TRPA1: variants seen among roughly 807,000 people sequenced by gnomAD.
The protein encoded by TRPA1 is transient receptor potential cation channel subfamily A member 1.
A neutral mutation model predicts 131.3 loss-of-function variants in TRPA1; 129 were observed. That is an observed-to-expected ratio of 0.98 (90% CI 0.85 to 1.14). The LOEUF (loss-of-function observed/expected upper bound fraction) is 1.14. Among genes scored for constraint, TRPA1 ranks in the 50% most tolerant of loss-of-function variants. The pLI, the probability that TRPA1 is intolerant of heterozygous loss-of-function variation, is 0.00. For synonymous variants in TRPA1, 441 were observed against 451.7 expected, an observed-to-expected ratio of 0.98 and a Z score of 0.30; for missense variants, 1,304 against 1,354.2, an observed-to-expected ratio of 0.96 and a Z score of 0.58.
chr8:72,071,307 A>G (rs1406582570), intron 2 of TRPA1, among the ~76,000 whole-genome samples: 2 of 152,194 alleles, frequency 1.3e-5, no homozygotes, highest in African/African-American at 4.8e-5. Flanking sequence ...AACAAGGTAG[A>G]GTGTACAAGG....
At chr8:72,066,633 G>A (rs890840991) in intron 3 of TRPA1, among the ~76,000 whole-genome samples, 3 of 152,088 alleles carry the variant, frequency 2.0e-5, no homozygotes, top group African/African-American at 4.8e-5. Context: ...AATGATTGAC[G>A]GATTAAGGGA....
At chr8:72,058,694 G>T (rs547915167) in intron 8 of TRPA1, among the ~76,000 whole-genome samples, 10 of 152,012 alleles carry the variant, frequency 6.6e-5, no homozygotes, top group Non-Finnish European at 1.2e-4. Flanking sequence ...ATAGTTTATG[G>T]CATATAATGA....
chr8:72,030,160 T>C (rs1423628762), intron 23 of TRPA1, among the ~76,000 whole-genome samples, 191 bp from the exon 24 acceptor site: 1 of 152,176 alleles, frequency 6.6e-6, no homozygotes, highest in East Asian at 1.9e-4. Context: ...GCAGAACTGG[T>C]TTCTGGTAAG....
upstream of TRPA1, among the ~76,000 whole-genome samples, chr8:72,080,066 A>G (rs1321571424): frequency 2.0e-5 from 3 of 151,874 alleles, no homozygotes; most frequent in Non-Finnish European, 3.0e-5. Context: ...ACTTTTTAGA[A>G]TCTTAAACAT....
At chr8:72,050,957 GGGAAA>G in intron 14 of TRPA1, 86 bp from the exon 15 acceptor site, 1 of 1,008,192 alleles carries the variant, frequency 9.9e-7, no homozygotes, top group Non-Finnish European at 1.5e-6. Flanking sequence ...ATTTCTTTAG[GGGAAA>G]CCTAAACTTA....
At chr8:72,077,609 T>C (rs1470751597), upstream of TRPA1, among the ~76,000 whole-genome samples, 3 of 152,208 alleles carry the variant, frequency 2.0e-5, no homozygotes, top group Non-Finnish European at 4.4e-5. Flanking sequence ...TTGTTCCTTT[T>C]AGGCATTTTT....
At chr8:72,069,308 G>A (rs914786648) in intron 2 of TRPA1, 110 bp from the exon 3 acceptor site, 91 of 1,102,224 alleles carry the variant, frequency 8.3e-5, no homozygotes, top group Non-Finnish European at 6.4e-5. Context: ...GAAATCAGCT[G>A]CATCTTTTTA....
chr8:72,040,371 C>T (rs1009156255), intron 17 of TRPA1, among the ~76,000 whole-genome samples: 1 of 152,060 alleles, frequency 6.6e-6, no homozygotes, highest in Non-Finnish European at 1.5e-5. Flanking sequence ...GAAAACAATA[C>T]ACAGAACATT....
intron 14 of TRPA1, among the ~76,000 whole-genome samples, chr8:72,052,286 C>T (rs1046784468): frequency 2.0e-5 from 3 of 152,172 alleles, no homozygotes; most frequent in Admixed American, 2.0e-4. Context: ...GCTGGGCATG[C>T]TGGCTCATGC....
intron 1 of TRPA1, among the ~76,000 whole-genome samples, chr8:72,074,481 C>A (rs1423911812): frequency 1.3e-5 from 2 of 152,166 alleles, no homozygotes; most frequent in African/African-American, 4.8e-5. Flanking sequence ...CATGGTCCCT[C>A]TGTCGAAAGA....
At chr8:72,039,155 C>A in intron 18 of TRPA1, 128 bp from the exon 19 acceptor site, 2 of 899,796 alleles carry the variant, frequency 2.2e-6, no homozygotes, top group South Asian at 1.5e-5. Flanking sequence ...AGCTTAAGAT[C>A]AAGTAAATCT....
Position 72,057,011 on chromosome 8 carries a change from T to C in TRPA1, c.1100A>G (p.Gln367Arg), listed in dbSNP as rs370823163. 8 of 1,601,890 alleles carry C rather than the reference T, an allele frequency of 5.0e-6. No individual in the cohort carries two copies. The highest frequency in any genetic ancestry group is 6.8e-6 in the Non-Finnish European group (8 of 1,172,272). Residue 367 changes from glutamine (Q) to arginine (R), a missense_variant, in exon 10 of 27, where the codon CAA becomes CGA. Physicochemically the swap from Gln to Arg is conservative, Grantham distance 43 (BLOSUM62 1). Coordinates refer to ENST00000262209, the MANE Select transcript of TRPA1 (RefSeq NM_007332.3). ...TCCAAAATTATCTTTTATGTCTACT[T>C]GGGCACCTAAAAAAAAACACTATGT... ...IVNLLLSKGA[Q>R]VDIKDNFGRN...
intron 12 of TRPA1, 35 bp downstream of exon 12, chr8:72,055,401 G>A (rs1460531614): frequency 1.3e-6 from 2 of 1,594,754 alleles, no homozygotes; most frequent in East Asian, 2.2e-5. Flanking sequence ...GCTAATTAAA[G>A]AAATTATATA....
intron 6 of TRPA1, among the ~76,000 whole-genome samples, chr8:72,062,010 TCCA>T (rs1805821171): frequency 6.6e-6 from 1 of 152,168 alleles, no homozygotes; most frequent in African/African-American, 2.4e-5. Context: ...GGCATACACT[TCCA>T]CCATTACTGT....
chr8:72,069,274 T>C, intron 2 of TRPA1, 76 bp from the exon 3 acceptor site: 1 of 1,415,286 alleles, frequency 7.1e-7, no homozygotes, highest in Middle Eastern at 1.8e-4. Context: ...CTATACACTA[T>C]AAAACTCAGT....
chr8:72,057,122 G>C (rs1462690090), intron 9 of TRPA1, 105 bp from the exon 10 acceptor site: 1 of 851,776 alleles, frequency 1.2e-6, no homozygotes, highest in South Asian at 1.7e-5. Context: ...AAATATTGTC[G>C]ACCTTTAGTT....
intron 17 of TRPA1, chr8:72,041,136 G>C (rs1458162323): frequency 6.6e-6 from 1 of 151,988 alleles, no homozygotes; most frequent in Non-Finnish European, 1.5e-5. Context: ...AATATATAAT[G>C]ATAACAACGT....
intron 1 of TRPA1, among the ~76,000 whole-genome samples, chr8:72,073,467 AC>A (rs1806108901): frequency 6.6e-6 from 1 of 152,142 alleles, no homozygotes; most frequent in Non-Finnish European, 1.5e-5. Flanking sequence ...ACAACCAAAA[AC>A]CCTCTAGAGG....
At chr8:72,053,030 AG>A in intron 13 of TRPA1, 1 of 389,282 alleles carries the variant, frequency 2.6e-6, no homozygotes. Context: ...AGAGAGAGAG[AG>A]AGAGAGAGAG....
Sources: gnomAD v4.1 joint callset for allele counts (sites outside exome capture counted in the v4.1 genomes callset) on GRCh38, gnomAD v4.1.1 for gene constraint, MANE v1.5 for transcripts, NCBI Gene and HGNC (gene_info 2026-07-23, HGNC 2026-07-21) for gene names.